Variants in ZZEF1 observed in about 807,000 individuals in gnomAD.
ZZEF1 encodes the protein zinc finger ZZ-type and EF-hand domain-containing protein 1.
Under a neutral mutation model 342.8 loss-of-function variants are expected in ZZEF1, and 157 were observed. The observed-to-expected ratio is 0.46, with a 90% CI of 0.40 to 0.52. The LOEUF (loss-of-function observed/expected upper bound fraction) is 0.52, where lower values mean the gene tolerates loss of function less well. Ranked by LOEUF, ZZEF1 falls within the 20% of genes least tolerant of loss-of-function variation. ZZEF1 has a pLI of 0.00. For missense variants in ZZEF1, 3,480 were observed against 3,725.6 expected (o/e 0.93, Z 1.72); for synonymous variants, 1,505 against 1,429.1 (o/e 1.05, Z -1.20).
At chr17:4,100,318 A>G (rs1229599797) in intron 9 of ZZEF1, among the ~76,000 whole-genome samples, 1 of 152,218 alleles carries the variant, frequency 6.6e-6, no homozygotes, top group Non-Finnish European at 1.5e-5. Context: ...ATAGATAGTG[A>G]TGGCTGGAGG....
intron 40 of ZZEF1, 164 bp downstream of exon 40, chr17:4,033,851 G>T: frequency 1.1e-6 from 1 of 891,688 alleles, no homozygotes; most frequent in Non-Finnish European, 1.7e-6. Flanking sequence ...TTTTAATGTG[G>T]GTTGACAGCA....
At chr17:4,118,215 C>A (rs2058429421) in intron 2 of ZZEF1, among the ~76,000 whole-genome samples, 1 of 152,172 alleles carries the variant, frequency 6.6e-6, no homozygotes, top group African/African-American at 2.4e-5. Context: ...ATACCACTTT[C>A]ATTCGATGAT....
In ZZEF1 at chr17:4,066,342, AAC is replaced by A. The variant is rs763961868; in HGVS notation, c.4249+103_4249+104del. ...GCATCTGTGTTACTTTCCCTAGGTCAACACAGCCTCAATTAAGATAATCTAGA... is the reference window on the plus strand; with the variant it reads ...GCATCTGTGTTACTTTCCCTAGGTCAACAGCCTCAATTAAGATAATCTAGA... On this transcript the variant is annotated intron_variant, in intron 28 of 54. Coordinates refer to ENST00000381638, the MANE Select transcript of ZZEF1 (RefSeq NM_015113.4). The A allele has an allele frequency of 1.8e-4, 172 of 968,892 alleles. 1 individual carries two copies. Among genetic ancestry groups the A allele is most frequent in the Non-Finnish European group, 2.6e-4 (161 of 611,102 alleles). The allele number at this position is 968,892 out of a possible 1,614,324, so 60.0% of individuals were successfully genotyped here.
At chr17:4,074,392 G>C (rs200308146) in intron 23 of ZZEF1, 41 bp from the exon 24 acceptor site, 5 of 1,599,110 alleles carry the variant, frequency 3.1e-6, no homozygotes, top group African/African-American at 2.7e-5. Context: ...CAGATTAGAG[G>C]AGGAGTGCTT....
rs779999888 is a variant in ZZEF1, at chr17:4,077,973, C to G, written c.2899G>C (p.Val967Leu). 10 of 1,614,016 alleles carry G rather than the reference C, an allele frequency of 6.2e-6. No homozygotes were observed. Among genetic ancestry groups the G allele is most frequent in the Non-Finnish European group, 8.5e-6 (10 of 1,180,040 alleles). ...GSVLFSLFWS[V>L]QGSLLSWCYL... ...CACCAGGATAGCAGGCTGCCTTGGA[C>G]GGACCAGAACAGGGAGAAGAGCACA... The change falls in exon 19 of 55, where the codon GTC becomes CTC. Residue 967 changes from valine to leucine, a missense_variant. Physicochemically the swap from Val to Leu is conservative, Grantham distance 32 (BLOSUM62 1). Coordinates refer to ENST00000381638, the MANE Select transcript of ZZEF1 (RefSeq NM_015113.4).
Position 4,077,911 on chromosome 17 carries a change from T to G in ZZEF1, c.2961A>C (p.Lys987Asn). 1 of 1,614,092 alleles carries G rather than the reference T, an allele frequency of 6.2e-7. No homozygotes were observed. Among genetic ancestry groups the G allele is most frequent in the Non-Finnish European group, 8.5e-7 (1 of 1,180,016 alleles). The change falls in exon 19 of 55, where the codon AAA becomes AAC. Residue 987 changes from lysine to asparagine, a missense_variant. By Grantham distance (94) the Lys-to-Asn change is moderately conservative. Around this residue, in one of 5 missense-constraint regions of ZZEF1, gnomAD observed 1,528 missense variants for 1,624.1 expected, o/e 0.94. Transcript: ENST00000381638. The part of the protein sequence containing the change: ...LQLKSTDSGA[K>N]DLAVDLIEKY... ...TTTCAATAAGGTCCACGGCAAGATC[T>G]TTGGCTCCAGAGTCCGTGCTCTTCA...
chr17:4,091,804 C>A (rs1319955784), intron 11 of ZZEF1, among the ~76,000 whole-genome samples: 1 of 150,614 alleles, frequency 6.6e-6, no homozygotes, highest in African/African-American at 2.4e-5. Context: ...AGGCCGGGCA[C>A]GGTGGCTCAC....
At chr17:4,047,870 G>A (rs891510274) in intron 37 of ZZEF1, among the ~76,000 whole-genome samples, 23 of 150,026 alleles carry the variant, frequency 1.5e-4, no homozygotes, top group African/African-American at 5.7e-4. Flanking sequence ...GAGCCCAGGA[G>A]GTGGAGGTTG....
At chr17:4,115,871 T>C (rs2058386015) in intron 3 of ZZEF1, among the ~76,000 whole-genome samples, 1 of 152,210 alleles carries the variant, frequency 6.6e-6, no homozygotes, top group Non-Finnish European at 1.5e-5. Flanking sequence ...AATTTATTAA[T>C]CTTTTCTTTC....
intron 38 of ZZEF1, among the ~76,000 whole-genome samples, chr17:4,043,285 T>A (rs895586491): frequency 3.3e-5 from 5 of 152,228 alleles, no homozygotes; most frequent in Non-Finnish European, 7.3e-5. Flanking sequence ...TAATACTTGA[T>A]GAATGAATAA....
chr17:4,010,621 A>T (rs557149072), intron 52 of ZZEF1, among the ~76,000 whole-genome samples: 2 of 146,854 alleles, frequency 1.4e-5, no homozygotes, highest in Admixed American at 1.4e-4. Context: ...GCTACTAGGG[A>T]GGCTGAGGCA....
At chr17:4,096,492 T>C in intron 10 of ZZEF1, 117 bp downstream of exon 10, 1 of 807,630 alleles carries the variant, frequency 1.2e-6, no homozygotes, top group South Asian at 1.6e-5. Flanking sequence ...TATTTCACAT[T>C]GCATGCCTGT....
Position 4,042,508 on chromosome 17 carries a change from C to A in ZZEF1, c.6227G>T (p.Ser2076Ile). The A allele has an allele frequency of 6.2e-7, 1 of 1,614,088 alleles. No homozygotes were observed. The highest frequency in any genetic ancestry group is 8.5e-7 in the Non-Finnish European group (1 of 1,180,002). The change falls in exon 39 of 55, where the codon AGC becomes ATC. Residue 2076 changes from serine to isoleucine, a missense_variant. Around this residue, in one of 5 missense-constraint regions of ZZEF1, gnomAD observed 1,269 missense variants for 1,342.4 expected, o/e 0.95. Coordinates refer to ENST00000381638, the MANE Select transcript of ZZEF1 (RefSeq NM_015113.4). ...ACACTCAGCAAACACTTGCTCAGGGCTTGGAGTAACTGCTTTTTCCTCTAT... is the reference window on the plus strand; with the variant it reads ...ACACTCAGCAAACACTTGCTCAGGGATTGGAGTAACTGCTTTTTCCTCTAT... ...KPIEEKAVTP[S>I]PEQVFAECSQ...
chr17:4,088,979 T>C, intron 12 of ZZEF1, 86 bp from the exon 13 acceptor site: 1 of 1,293,816 alleles, frequency 7.7e-7, no homozygotes, highest in Non-Finnish European at 1.1e-6. Context: ...TCCGGGAAGG[T>C]CTTCCTATGA....
At position 4,095,935 on chromosome 17, in the gene ZZEF1, G is replaced by A; in HGVS notation, c.1809C>T (p.Ala603=). The change falls in exon 11 of 55, where the codon GCC becomes GCT. Residue 603 remains alanine, a synonymous_variant. Coordinates refer to ENST00000381638, the MANE Select transcript of ZZEF1 (RefSeq NM_015113.4). ...AAAATTTATCTGAAGATGAGTTATA[G>A]GCAAACACCAACCCACACTGGGCAC... ...GIGAQCGLVF[A]YNSSSDKFCA... is the part of the protein sequence containing the mutation. 6.2e-7 allele frequency: 1 copy of A among 1,613,536 alleles called. No individual in the cohort carries two copies. The highest frequency in any genetic ancestry group is 8.5e-7 in the Non-Finnish European group (1 of 1,179,666).
At chr17:4,118,316 T>C (rs2058430616) in intron 2 of ZZEF1, among the ~76,000 whole-genome samples, 1 of 152,204 alleles carries the variant, frequency 6.6e-6, no homozygotes, top group Admixed American at 6.5e-5. Context: ...GGTAAATTGC[T>C]GACCCATAGT....
rs1328084767 is a variant in ZZEF1, at chr17:4,005,014, G to A, written c.*1876C>T. The A allele has an allele frequency of 2.0e-5, 3 of 152,330 alleles. No individual in the cohort carries two copies. The highest frequency in any genetic ancestry group is 3.8e-4 in the East Asian group (2 of 5,204). 9.4% of individuals were successfully genotyped at this position (152,330 alleles called of 1,614,324 possible). On this transcript the variant is annotated 3_prime_UTR_variant, in exon 55 of 55. Transcript: ENST00000381638. Reference sequence around the variant, plus strand: ...AGCGGCGGCCACTGCCATAGGGGAGGTGACTCCGGCCCTACCGCCCGCTTT... The same window carrying A: ...AGCGGCGGCCACTGCCATAGGGGAGATGACTCCGGCCCTACCGCCCGCTTT...
At position 4,004,901 on chromosome 17, in the gene ZZEF1, C is replaced by T. The variant is rs1892192363; in HGVS notation, c.*1989G>A. 6.6e-6 allele frequency: 1 copy of T among 152,330 alleles called. No individual in the cohort carries two copies. The highest frequency in any genetic ancestry group is 1.5e-5 in the Non-Finnish European group (1 of 68,114). 9.4% of individuals were successfully genotyped at this position (152,330 alleles called of 1,614,324 possible). A position where few individuals can be genotyped will look rare whatever the true frequency, so the allele number is the denominator to read the frequency against. ...TTCCCGTGAACTGCAGCGAAGATCC[C>T]AGAACAGCAAGGGCAGTGGGCGGAC... On this transcript the variant is annotated 3_prime_UTR_variant, in exon 55 of 55. Transcript: ENST00000381638.
intron 6 of ZZEF1, among the ~76,000 whole-genome samples, chr17:4,107,564 T>C (rs970068633): frequency 6.6e-6 from 1 of 152,176 alleles, no homozygotes; most frequent in African/African-American, 2.4e-5. Context: ...AAGAAGGGCA[T>C]CTGTGCAAGG....
Sources: allele counts gnomAD v4.1 joint callset (sites outside exome capture counted in the v4.1 genomes callset), GRCh38; gene constraint gnomAD v4.1.1; regional missense constraint gnomAD v4.1.1; transcripts MANE v1.5; gene names NCBI Gene and HGNC (gene_info 2026-07-23, HGNC 2026-07-21).